ZSCAN25: variants seen among roughly 807,000 people sequenced by gnomAD.
The protein encoded by ZSCAN25 is zinc finger and SCAN domain-containing protein 25.
Under a neutral mutation model 38.7 loss-of-function variants are expected in ZSCAN25, and 27 were observed. That is an observed-to-expected ratio of 0.70 (90% CI 0.51 to 0.96). The LOEUF (loss-of-function observed/expected upper bound fraction) is 0.96, where lower values mean the gene tolerates loss of function less well. Among genes scored for constraint, ZSCAN25 ranks in the 40% least tolerant of loss-of-function variants. The probability of loss-of-function intolerance (pLI) is 0.00; values close to 1 mark genes in which losing one functional copy is unlikely to be tolerated. For missense variants in ZSCAN25, 637 were observed against 705.9 expected, an observed-to-expected ratio of 0.90 and a Z score of 1.11; for synonymous variants, 273 against 277.7, an observed-to-expected ratio of 0.98 and a Z score of 0.17.
rs1479666919 is a variant in ZSCAN25 at position 99,629,812 on chromosome 7, A to G, written c.1427A>G (p.His476Arg). 5 of 1,614,218 alleles carry G rather than the reference A, an allele frequency of 3.1e-6. No individual in the cohort carries two copies. Among genetic ancestry groups the G allele is most frequent in the Non-Finnish European group, 4.2e-6 (5 of 1,180,024 alleles). Residue 476 changes from histidine (H) to arginine (R), a missense_variant, in exon 8 of 8, where the codon CAC (histidine) becomes CGC (arginine). Physicochemically the swap from His to Arg is conservative, Grantham distance 29. Coordinates refer to ENST00000394152, the MANE Select transcript of ZSCAN25 (RefSeq NM_145115.3). This position sits in a 1 kb window ranked among gnomAD's most constrained non-coding sequence, Gnocchi z 5.6. ...SFSRNANLAV[H>R]RRAHTGEKPY... ...AGCAGGAATGCCAATCTGGCGGTGC[A>G]CCGGCGTGCCCACACTGGCGAGAAG... is the stretch of plus-strand genomic sequence containing the variant.
chr7:99,659,937 G>C, the ZSCAN25 span: 1 of 153,240 alleles, frequency 6.5e-6, no homozygotes, highest in East Asian at 1.9e-4. Flanking sequence ...CGCAGTATTA[G>C]GGTGGGAGTG....
At chr7:99,733,626 C>T in the ZSCAN25 span, among the ~76,000 whole-genome samples, 324 of 152,232 alleles carry the variant, frequency 2.1e-3, 2 homozygotes, top group African/African-American at 7.3e-3. Flanking sequence ...ACTGATGGTG[C>T]CCTTGTGTCC....
At chr7:99,638,877 C>G in the ZSCAN25 span, 2 of 580,070 alleles carry the variant, frequency 3.4e-6, no homozygotes, top group Non-Finnish European at 6.3e-6. Context: ...TGCGGCCTGC[C>G]TGGGAGTTGT....
the ZSCAN25 span, among the ~76,000 whole-genome samples, chr7:99,657,667 A>G: frequency 6.6e-6 from 1 of 152,160 alleles, no homozygotes; most frequent in Non-Finnish European, 1.5e-5. Context: ...TGATCTGTCT[A>G]GTGTTGACAG....
In ZSCAN25 at chr7:99,629,269, G is replaced by A. The variant is rs959883776; in HGVS notation, c.884G>A (p.Arg295Lys). Residue 295 changes from arginine (R) to lysine (K), a missense_variant, in exon 8 of 8, where the codon AGG becomes AAG. Transcript: ENST00000394152. This position sits in a 1 kb window ranked among gnomAD's most constrained non-coding sequence, Gnocchi z 5.6. Reference sequence around the variant, plus strand: ...GCGCTGGTGGCACTGACATCAGAGAGGTTTGGGGAAGCCTCTCTCCAGGGC... The same window carrying A: ...GCGCTGGTGGCACTGACATCAGAGAAGTTTGGGGAAGCCTCTCTCCAGGGC... The part of the protein sequence containing the change: ...KGALVALTSE[R>K]FGEASLQGPG... 3.1e-6 allele frequency: 5 copies of A among 1,614,158 alleles called. No homozygotes were observed. Among genetic ancestry groups the A allele is most frequent in the Non-Finnish European group, 4.2e-6 (5 of 1,180,002 alleles).
At position 99,631,389 on chromosome 7, in the gene ZSCAN25, C is replaced by T; in HGVS notation, c.*1369C>T. ...ACATTTCTTTAAAAATGAGAAGATG[C>T]AATATTTGTAAACTGTTGAAGCTTC... On this transcript the variant is annotated 3_prime_UTR_variant, in exon 8 of 8. Transcript: ENST00000394152. The T allele has an allele frequency of 1.0e-6, 1 of 985,292 alleles. No homozygotes were observed. The highest frequency in any genetic ancestry group is 1.2e-6 in the Non-Finnish European group (1 of 829,886). 61.0% of individuals were successfully genotyped at this position (985,292 alleles called of 1,614,324 possible).
Position 99,619,923 on chromosome 7 carries a change from G to C in ZSCAN25, c.317G>C (p.Gly106Ala). The change falls in exon 4 of 8, where the codon GGC becomes GCC. Residue 106 changes from glycine to alanine, a missense_variant. Transcript: ENST00000394152. ...REFYAWIREH[G>A]PESGKALAAM... ...TTCTACGCCTGGATCCGGGAGCATG[G>C]CCCAGAGAGTGGCAAGGCCCTGGCC... 1 of 1,614,238 alleles carries C rather than the reference G, an allele frequency of 6.2e-7. No individual in the cohort carries two copies. Among genetic ancestry groups the C allele is most frequent in the East Asian group, 2.2e-5 (1 of 44,882 alleles).
the ZSCAN25 span, among the ~76,000 whole-genome samples, chr7:99,734,145 C>T: frequency 6.6e-6 from 1 of 152,172 alleles, no homozygotes; most frequent in Non-Finnish European, 1.5e-5. Context: ...TAGATGGAAA[C>T]TATGTTACCA....
At chr7:99,737,598 A>G in the ZSCAN25 span, among the ~76,000 whole-genome samples, 1 of 152,170 alleles carries the variant, frequency 6.6e-6, no homozygotes, top group Non-Finnish European at 1.5e-5. Flanking sequence ...ACCTAAACAA[A>G]GAGCCTTTCT....
chr7:99,720,859 G>T, the ZSCAN25 span: 1 of 178,904 alleles, frequency 5.6e-6, no homozygotes, highest in African/African-American at 2.4e-5. Flanking sequence ...TTCAAGGGCA[G>T]TTGCTGTGGG....
chr7:99,634,993 A>G (rs878945015), downstream of ZSCAN25, among the ~76,000 whole-genome samples: 1 of 152,152 alleles, frequency 6.6e-6, no homozygotes, highest in Admixed American at 6.5e-5. Flanking sequence ...CCCTCTGTAC[A>G]GTACAGATTG....
At chr7:99,651,972 G>A in the ZSCAN25 span, among the ~76,000 whole-genome samples, 2 of 152,110 alleles carry the variant, frequency 1.3e-5, no homozygotes, top group Admixed American at 1.3e-4. Context: ...ACCTCAGCCT[G>A]CACTCTTATA....
At chr7:99,722,131 C>G in the ZSCAN25 span, among the ~76,000 whole-genome samples, 1 of 152,164 alleles carries the variant, frequency 6.6e-6, no homozygotes, top group African/African-American at 2.4e-5. Flanking sequence ...TTCTAATACT[C>G]TTCTCCCAAA....
the ZSCAN25 span, among the ~76,000 whole-genome samples, chr7:99,689,263 A>T: frequency 6.6e-6 from 1 of 151,544 alleles, no homozygotes; most frequent in South Asian, 2.1e-4. Flanking sequence ...AATTGATAGA[A>T]CGCTAGCAAG....
At chr7:99,718,300 C>T in the ZSCAN25 span, among the ~76,000 whole-genome samples, 1 of 152,122 alleles carries the variant, frequency 6.6e-6, no homozygotes, top group Admixed American at 6.5e-5. Context: ...TTAAAACTCA[C>T]AACGTATTTT....
chr7:99,618,908 T>C (rs1806693814), intron 2 of ZSCAN25, 140 bp from the exon 3 acceptor site: 1 of 152,226 alleles, frequency 6.6e-6, no homozygotes, highest in South Asian at 2.1e-4. Context: ...TTTCTTAGCC[T>C]CAGGGCTTTT....
chr7:99,650,113 ACT>A, the ZSCAN25 span: 2 of 1,614,178 alleles, frequency 1.2e-6, no homozygotes, highest in East Asian at 2.2e-5. Context: ...GTTCTGAAGG[ACT>A]CTGATTAGAG....
the ZSCAN25 span, among the ~76,000 whole-genome samples, chr7:99,652,111 A>G: frequency 6.6e-6 from 1 of 151,728 alleles, no homozygotes; most frequent in South Asian, 2.1e-4. Context: ...TAAAAAGCCT[A>G]TACACCTGAA....
the ZSCAN25 span, chr7:99,734,923 A>T: frequency 6.3e-7 from 1 of 1,578,618 alleles, no homozygotes; most frequent in Non-Finnish European, 8.7e-7. Context: ...GGCCAGCCTG[A>T]ACATCCTTTT....
Sources: allele counts gnomAD v4.1 joint callset (sites outside exome capture counted in the v4.1 genomes callset), GRCh38; gene constraint gnomAD v4.1.1; non-coding constraint Gnocchi (gnomAD v3.1); transcripts MANE v1.5; gene names NCBI Gene and HGNC (gene_info 2026-07-23, HGNC 2026-07-21).